The following SLC22A16 variants were observed in gnomAD, a reference collection of about 807,000 sequenced individuals.
SLC22A16 encodes solute carrier family 22 member 16.
In SLC22A16, 53 loss-of-function variants were observed where a neutral mutation model predicts 52.9. The ratio of observed to expected loss-of-function variants is 1.00; its 90% CI spans 0.80 to 1.26. The LOEUF is 1.26. Among genes scored for constraint, SLC22A16 ranks in the 50% most tolerant of loss-of-function variants. The pLI is 0.00. For synonymous variants in SLC22A16, 291 were observed against 268.8 expected (o/e 1.08, Z -0.81); for missense variants, 726 against 704.0 (o/e 1.03, Z -0.35).
rs1775674801 is a variant in SLC22A16, at chr6:110,456,780, C to T, written c.291G>A (p.Glu97=). The T allele has an allele frequency of 6.2e-7, 1 of 1,614,076 alleles. No individual in the cohort carries two copies. The highest frequency in any genetic ancestry group is 1.7e-5 in the Admixed American group (1 of 60,006). The change falls in exon 2 of 8, where the codon GAG becomes GAA. Residue 97 remains glutamate, a synonymous_variant. Transcript: ENST00000368919. Reference sequence around the variant, plus strand: ...TCTTATTCCTGCTACACCTTGAGAGCTCCCAGATCTCACCATTCTGCAACT... The same window carrying T: ...TCTTATTCCTGCTACACCTTGAGAGTTCCCAGATCTCACCATTCTGCAACT... ...TVQLQNGEIW[E]LSRCSRNKRE...
At chr6:110,460,483 G>C (rs769982114) in intron 1 of SLC22A16, among the ~76,000 whole-genome samples, 28 of 151,784 alleles carry the variant, frequency 1.8e-4, no homozygotes, top group Middle Eastern at 3.2e-3. Flanking sequence ...GGGTGGATAG[G>C]GGTGCATCCC....
intron 1 of SLC22A16, among the ~76,000 whole-genome samples, chr6:110,475,195 G>A (rs1415247801): frequency 6.6e-6 from 1 of 152,140 alleles, no homozygotes; most frequent in East Asian, 1.9e-4. Context: ...AAAGAGCTTG[G>A]CCCAGCTGAG....
chr6:110,427,416 T>C (rs1774308727), intron 7 of SLC22A16, among the ~76,000 whole-genome samples: 1 of 152,050 alleles, frequency 6.6e-6, no homozygotes, highest in Non-Finnish European at 1.5e-5. Flanking sequence ...TTCTGTAAAA[T>C]GGATGAAAGA....
At chr6:110,425,725 C>T (rs78938559) in intron 7 of SLC22A16, among the ~76,000 whole-genome samples, 3,060 of 152,326 alleles carry the variant, frequency 0.02, 106 homozygotes, top group African/African-American at 0.068. Context: ...TAAAAGGCAG[C>T]CTTTTAGACT....
rs982745416 is a variant in SLC22A16 at position 110,425,448 on chromosome 6, C to CAAGTA, written c.1522-368_1522-364dup. On this transcript the variant is annotated intron_variant, in intron 7 of 7. Coordinates refer to ENST00000368919, the MANE Select transcript of SLC22A16 (RefSeq NM_033125.4). Reference sequence around the variant, plus strand: ...AGACCCCAGAATCTTGTGGAGAAGACAAGTAACTGAGCCCTGGGTCAGGAC... The same window carrying CAAGTA: ...AGACCCCAGAATCTTGTGGAGAAGACAAGTAAAGTAACTGAGCCCTGGGTCAGGAC... 16 of 1,300,974 alleles carry CAAGTA rather than the reference C, an allele frequency of 1.2e-5. No homozygotes were observed. In the African/African-American group the frequency reaches 2.3e-4, roughly 19 times the overall value. 80.6% of individuals were successfully genotyped at this position (1,300,974 alleles called of 1,614,324 possible).
intron 1 of SLC22A16, among the ~76,000 whole-genome samples, chr6:110,457,459 T>C (rs917537190): frequency 7.9e-5 from 12 of 152,320 alleles, no homozygotes; most frequent in African/African-American, 2.9e-4. Context: ...TGGCCAGCTG[T>C]GGGTGGCAAG....
intron 5 of SLC22A16, among the ~76,000 whole-genome samples, chr6:110,436,746 A>G (rs1364676763): frequency 6.6e-6 from 1 of 152,246 alleles, no homozygotes; most frequent in Admixed American, 6.5e-5. Flanking sequence ...CTATTAGTAC[A>G]GACTGTTTTG....
In SLC22A16 at chr6:110,447,002, G is replaced by T; in HGVS notation, c.534-12C>A. 1 of 1,602,178 alleles carries T rather than the reference G, an allele frequency of 6.2e-7. No homozygotes were observed. The highest frequency in any genetic ancestry group is 8.5e-7 in the Non-Finnish European group (1 of 1,173,236). On this transcript the variant is annotated splice_polypyrimidine_tract_variant and intron_variant, in intron 2 of 7. Transcript: ENST00000368919. ...CCCGGCGTCCTAGCCTGAAAAATAA[G>T]AGTCACACAGTGGAAGAGGAAAGGT... is the stretch of plus-strand genomic sequence containing the variant.
At chr6:110,448,171 C>T (rs1281753119) in intron 2 of SLC22A16, among the ~76,000 whole-genome samples, 1 of 152,096 alleles carries the variant, frequency 6.6e-6, no homozygotes, top group Non-Finnish European at 1.5e-5. Flanking sequence ...TACTGTCTGC[C>T]TTTTTTATTA....
Position 110,457,004 on chromosome 6 carries a change from G to T in SLC22A16, c.67C>A (p.Leu23Ile), listed in dbSNP as rs1337867409. 4.6e-6 allele frequency: 7 copies of T among 1,531,034 alleles called. No homozygotes were observed. In the South Asian group the frequency reaches 6.6e-5, roughly 14 times the overall value. 94.8% of individuals were successfully genotyped at this position (1,531,034 alleles called of 1,614,324 possible). ...TTCTGGAAGGCACATATGAAATAGA[G>T]GACTCTCTGGAATCTGCAAGAGAAG... Reference protein sequence around the residue: ...VGHFGRFQRVLYFICAFQNIS... With the variant: ...VGHFGRFQRVIYFICAFQNIS... The change falls in exon 2 of 8, where the codon CTC becomes ATC. Residue 23 changes from leucine (L) to isoleucine (I), a missense_variant. Physicochemically the swap from Leu to Ile is conservative, Grantham distance 5 (BLOSUM62 2). Coordinates refer to ENST00000368919, the MANE Select transcript of SLC22A16 (RefSeq NM_033125.4).
intron 1 of SLC22A16, among the ~76,000 whole-genome samples, chr6:110,459,452 A>T (rs1582575682): frequency 6.6e-6 from 1 of 152,120 alleles, no homozygotes. Context: ...TTAAAAAAAG[A>T]CCCCAGATTG....
At chr6:110,475,782 A>G (rs766541064) in intron 1 of SLC22A16, among the ~76,000 whole-genome samples, 1 of 152,184 alleles carries the variant, frequency 6.6e-6, no homozygotes, top group East Asian at 1.9e-4. Context: ...AGCTCTGTCC[A>G]TGAGTGAACG....
At chr6:110,427,334 C>G (rs916709961) in intron 7 of SLC22A16, among the ~76,000 whole-genome samples, 1 of 152,070 alleles carries the variant, frequency 6.6e-6, no homozygotes, top group African/African-American at 2.4e-5. Flanking sequence ...CCCACATTGC[C>G]TGGGTACTTG....
chr6:110,475,444 C>T (rs866356465), intron 1 of SLC22A16, among the ~76,000 whole-genome samples: 39 of 152,304 alleles, frequency 2.6e-4, no homozygotes, highest in African/African-American at 9.4e-4. Context: ...CACAAGGCAG[C>T]GTTCAATGAT....
intron 1 of SLC22A16, among the ~76,000 whole-genome samples, chr6:110,473,282 A>T (rs1776322796): frequency 6.6e-6 from 1 of 152,074 alleles, no homozygotes; most frequent in South Asian, 2.1e-4. Context: ...TCCACATTCC[A>T]ACTCTAAACT....
chr6:110,443,507 A>G (rs890586709), intron 3 of SLC22A16, among the ~76,000 whole-genome samples: 6 of 152,100 alleles, frequency 3.9e-5, no homozygotes, highest in African/African-American at 1.4e-4. Context: ...CCTCATACAC[A>G]TTAGTGTGGC....
At chr6:110,469,539 C>A (rs952782622) in intron 1 of SLC22A16, among the ~76,000 whole-genome samples, 1 of 152,154 alleles carries the variant, frequency 6.6e-6, no homozygotes, top group Non-Finnish European at 1.5e-5. Flanking sequence ...CAGAGAGAGA[C>A]CCTGTCTCAA....
rs570207995 is a variant in SLC22A16, at chr6:110,425,149, A to G, written c.1522-64T>C. 275 of 1,591,604 alleles carry G rather than the reference A, an allele frequency of 1.7e-4. 2 individuals carry two copies. The highest frequency in any genetic ancestry group is 1.7e-3 in the South Asian group (145 of 87,788). On this transcript the variant is annotated intron_variant, in intron 7 of 7. Transcript: ENST00000368919. ...GAAAGGAACGAACCCTTCGGAGAAT[A>G]GAATTTCCTAACTGTTTTCAGAGGG...
rs558321817 is a variant in SLC22A16, at chr6:110,453,479, G to A, written c.533+3059C>T. On this transcript the variant is annotated intron_variant, in intron 2 of 7. Coordinates refer to ENST00000368919, the MANE Select transcript of SLC22A16 (RefSeq NM_033125.4). ...AATCTGTACTGTTTAAGGGATGCTGGCAAAAACACAAGATGTTTGGGTCAG... is the reference window on the plus strand; with the variant it reads ...AATCTGTACTGTTTAAGGGATGCTGACAAAAACACAAGATGTTTGGGTCAG... 6.6e-4 allele frequency: 248 copies of A among 377,084 alleles called. 1 individual carries two copies. Among genetic ancestry groups the A allele is most frequent in the Middle Eastern group, 3.6e-3 (4 of 1,108 alleles). 23.4% of individuals were successfully genotyped at this position (377,084 alleles called of 1,614,324 possible). A position where few individuals can be genotyped will look rare whatever the true frequency, so the allele number is the denominator to read the frequency against.
Sources: gnomAD v4.1 joint callset for allele counts (sites outside exome capture counted in the v4.1 genomes callset) on GRCh38, gnomAD v4.1.1 for gene constraint, MANE v1.5 for transcripts, NCBI Gene and HGNC (gene_info 2026-07-23, HGNC 2026-07-21) for gene names.